Variants in NR3C2 observed in about 807,000 individuals in gnomAD.
The protein encoded by NR3C2 is nuclear receptor subfamily 3 group C member 2, also known as mineralocorticoid receptor.
NR3C2 carries 15 observed loss-of-function variants against 86.4 expected under a neutral mutation model. That is an observed-to-expected ratio of 0.17 (90% CI 0.12 to 0.27). The LOEUF (loss-of-function observed/expected upper bound fraction) is 0.27. NR3C2 is among the 10% of genes least tolerant of loss of function. The pLI, the probability that NR3C2 is intolerant of heterozygous loss-of-function variation, is 1.00. For synonymous variants in NR3C2, 458 were observed against 450.5 expected (o/e 1.02, Z -0.21); for missense variants, 960 against 1,195.6 (o/e 0.80, Z 2.91).
intron 2 of NR3C2, among the ~76,000 whole-genome samples, chr4:148,393,267 A>G (rs531202972): frequency 3.9e-4 from 59 of 152,338 alleles, no homozygotes; most frequent in African/African-American, 1.4e-3. Context: ...AATGATTCAC[A>G]CTAGTCTGTG....
Position 148,078,951 on chromosome 4 carries a change from A to G in NR3C2, c.*2393T>C, listed in dbSNP as rs1353272464. On this transcript the variant is annotated 3_prime_UTR_variant, in exon 9 of 9. Transcript: ENST00000358102. ...TTAAGAGCAATATGGTACAAAAATA[A>G]GAGCAGACAGACAATTTGGACTGGG... 1 of 152,674 alleles carries G rather than the reference A, an allele frequency of 6.5e-6. No individual in the cohort carries two copies. The highest frequency in any genetic ancestry group is 1.5e-5 in the Non-Finnish European group (1 of 68,046). 9.5% of individuals were successfully genotyped at this position (152,674 alleles called of 1,614,324 possible). A position where few individuals can be genotyped will look rare whatever the true frequency, so the allele number is the denominator to read the frequency against.
intron 1 of NR3C2, among the ~76,000 whole-genome samples, chr4:148,437,520 T>C (rs1469266531): frequency 6.6e-6 from 1 of 152,238 alleles, no homozygotes; most frequent in African/African-American, 2.4e-5. Flanking sequence ...AAAAGATCTA[T>C]ACATTCTGAT....
chr4:148,372,198 C>T (rs1314632491), intron 2 of NR3C2, among the ~76,000 whole-genome samples: 2 of 151,990 alleles, frequency 1.3e-5, no homozygotes, highest in African/African-American at 4.8e-5. Context: ...AAATATCATC[C>T]TCTTTTCATT....
intron 4 of NR3C2, among the ~76,000 whole-genome samples, chr4:148,186,473 G>A (rs1350676692): frequency 1.3e-5 from 2 of 151,870 alleles, no homozygotes; most frequent in Non-Finnish European, 2.9e-5. Flanking sequence ...TGCTTTTATA[G>A]CTTCTGAGTT....
chr4:148,270,285 C>T (rs989210932), intron 2 of NR3C2, among the ~76,000 whole-genome samples: 2 of 152,110 alleles, frequency 1.3e-5, no homozygotes, highest in African/African-American at 4.8e-5. Context: ...CTCAATCCAC[C>T]TCTTACTGAT....
intron 4 of NR3C2, among the ~76,000 whole-genome samples, chr4:148,175,015 C>T (rs912610953): frequency 6.6e-6 from 1 of 152,146 alleles, no homozygotes; most frequent in Admixed American, 6.6e-5. Context: ...AGTCAGTAGT[C>T]CCTTTGTAAG....
intron 1 of NR3C2, among the ~76,000 whole-genome samples, chr4:148,439,078 G>A (rs1750210291): frequency 6.6e-6 from 1 of 152,132 alleles, no homozygotes; most frequent in African/African-American, 2.4e-5. Flanking sequence ...TGTTTGGTGT[G>A]GATGAAAGCC....
At chr4:148,382,098 G>A (rs561569560) in intron 2 of NR3C2, among the ~76,000 whole-genome samples, 2 of 152,234 alleles carry the variant, frequency 1.3e-5, no homozygotes, top group African/African-American at 2.4e-5. Flanking sequence ...AATCAAGCCC[G>A]ACCCTCAGGC....
chr4:148,287,208 C>A (rs190607081), intron 2 of NR3C2, among the ~76,000 whole-genome samples: 1 of 152,182 alleles, frequency 6.6e-6, no homozygotes, highest in South Asian at 2.1e-4. Context: ...CTGATCAGAG[C>A]CATTACTACT....
chr4:148,294,812 A>T (rs1741966924), intron 2 of NR3C2, among the ~76,000 whole-genome samples: 1 of 151,908 alleles, frequency 6.6e-6, no homozygotes, highest in Non-Finnish European at 1.5e-5. Flanking sequence ...CCCTGTCTCT[A>T]CAAAAAAAAA....
At position 148,079,095 on chromosome 4, in the gene NR3C2, C is replaced by T. The variant is rs1359946139; in HGVS notation, c.*2249G>A. Reference sequence around the variant, plus strand: ...ACAAAAAGCTGATGCAGACCATCTCCATCCCAAACCTGGTTAAGTAAGTCA... The same window carrying T: ...ACAAAAAGCTGATGCAGACCATCTCTATCCCAAACCTGGTTAAGTAAGTCA... On this transcript the variant is annotated 3_prime_UTR_variant, in exon 9 of 9. Transcript: ENST00000358102. 1.3e-5 allele frequency: 2 copies of T among 152,584 alleles called. No homozygotes were observed. Among genetic ancestry groups the T allele is most frequent in the Non-Finnish European group, 2.9e-5 (2 of 68,034 alleles). The allele number at this position is 152,584 out of a possible 1,614,324, so 9.5% of individuals were successfully genotyped here. A position where few individuals can be genotyped will look rare whatever the true frequency, so the allele number is the denominator to read the frequency against.
intron 2 of NR3C2, among the ~76,000 whole-genome samples, chr4:148,294,043 T>A (rs1017231350): frequency 6.6e-6 from 1 of 152,218 alleles, no homozygotes; most frequent in Non-Finnish European, 1.5e-5. Flanking sequence ...CTATTGGGTA[T>A]CCTCCTAGGT....
intron 7 of NR3C2, among the ~76,000 whole-genome samples, chr4:148,115,360 T>G (rs76914559): frequency 6.6e-6 from 1 of 152,184 alleles, no homozygotes; most frequent in Non-Finnish European, 1.5e-5. Context: ...GTTCCACTTA[T>G]AGCCAATAGT....
At chr4:148,182,010 T>C (rs1055553636) in intron 4 of NR3C2, among the ~76,000 whole-genome samples, 1 of 152,264 alleles carries the variant, frequency 6.6e-6, no homozygotes, top group Non-Finnish European at 1.5e-5. Context: ...ACTAATCAGA[T>C]AGGAAAAAAA....
rs144610060 is a variant in NR3C2 at position 148,220,089 on chromosome 4, AT to A, written c.1898-25228del. 6.7e-5 allele frequency among the ~76,000 whole-genome samples: 10 copies of A among 149,710 alleles called. No individual in the cohort carries two copies. In the East Asian group the frequency reaches 9.9e-4, roughly 15 times the overall value. Reference sequence around the variant, plus strand: ...AGGTATACACCACTACACCCAGCTAATTTTTTTTTTCTTTTAAGACCGGGTC... The same window carrying A: ...AGGTATACACCACTACACCCAGCTAATTTTTTTTTCTTTTAAGACCGGGTC... On this transcript the variant is annotated intron_variant, in intron 3 of 8. Transcript: ENST00000358102.
intron 2 of NR3C2, among the ~76,000 whole-genome samples, chr4:148,345,270 G>A (rs973658267): frequency 6.6e-6 from 1 of 151,714 alleles, no homozygotes; most frequent in East Asian, 1.9e-4. Context: ...TTCAGAGAGA[G>A]ACAATACATA....
chr4:148,104,342 G>GGTTTGTTTTT (rs1731686588), intron 8 of NR3C2, among the ~76,000 whole-genome samples: 4 of 63,796 alleles, frequency 6.3e-5, no homozygotes, highest in Admixed American at 1.6e-4. Context: ...TTTTGGTTTG[G>GGTTTGTTTTT]TTTTTTTTTT....
rs1741551205 is a variant in NR3C2, at chr4:148,286,860, A to G, written c.1758-26743T>C. Among the ~76,000 whole-genome samples the G allele has an allele frequency of 2.0e-5, 3 of 152,336 alleles. No individual in the cohort carries two copies. In the South Asian group the frequency reaches 6.2e-4, roughly 32 times the overall value. On this transcript the variant is annotated intron_variant, in intron 2 of 8. Coordinates refer to ENST00000358102, the MANE Select transcript of NR3C2 (RefSeq NM_000901.5). ...ACATAATTTGTGCCATTACTTTACA[A>G]TCATGTACAAAGGGAGTCACAATTC...
At chr4:148,222,259 T>C (rs1737898799) in intron 3 of NR3C2, among the ~76,000 whole-genome samples, 1 of 152,208 alleles carries the variant, frequency 6.6e-6, no homozygotes, top group Admixed American at 6.5e-5. Context: ...TGACACATTT[T>C]CTATTATTTG....
Sources: allele counts gnomAD v4.1 joint callset (sites outside exome capture counted in the v4.1 genomes callset), GRCh38; gene constraint gnomAD v4.1.1; transcripts MANE v1.5; gene names NCBI Gene and HGNC (gene_info 2026-07-23, HGNC 2026-07-21).